JAK3: variants seen among roughly 807,000 people sequenced by gnomAD.
JAK3 encodes the protein Janus kinase 3, also known as tyrosine-protein kinase JAK3.
Under a neutral mutation model 120.8 loss-of-function variants are expected in JAK3, and 88 were observed. The observed-to-expected ratio is 0.73, with a 90% CI of 0.61 to 0.87. JAK3 has a LOEUF of 0.87. Ranked by LOEUF, JAK3 falls within the 40% of genes least tolerant of loss-of-function variation. The pLI is 0.00. For synonymous variants in JAK3, 592 were observed against 628.6 expected, an observed-to-expected ratio of 0.94 and a Z score of 0.87; for missense variants, 1,254 against 1,501.4, an observed-to-expected ratio of 0.84 and a Z score of 2.72.
chr19:17,843,886 A>G lies in JAK3; in HGVS notation c.199T>C (p.Tyr67His). ...GTGGCCAGAGCAAAGAGGGAGTGGT[A>G]CACAGGCAGGATGCCTACAGGGGAT... Reference protein sequence around the residue: ...AAKASGILPVYHSLFALATED... With the variant: ...AAKASGILPVHHSLFALATED... The change falls in exon 3 of 24, where the codon TAC becomes CAC. Residue 67 changes from tyrosine to histidine, a missense_variant. Tyr to His is a moderately conservative substitution (Grantham distance 83). Coordinates refer to ENST00000458235, the MANE Select transcript of JAK3 (RefSeq NM_000215.4). This position sits in a 1 kb window ranked among gnomAD's most constrained non-coding sequence, Gnocchi z 5.4. 1 of 1,613,692 alleles carries G rather than the reference A, an allele frequency of 6.2e-7. No individual in the cohort carries two copies. The highest frequency in any genetic ancestry group is 1.1e-5 in the South Asian group (1 of 91,080).
At chr19:17,830,680 A>G (rs1026240266) in intron 21 of JAK3, 60 bp from the exon 22 acceptor site, 2 of 1,391,048 alleles carry the variant, frequency 1.4e-6, no homozygotes, top group Admixed American at 3.4e-5. Flanking sequence ...AGAGGGGGGC[A>G]GCCTTGGAAT....
intron 17 of JAK3, 97 bp from the exon 18 acceptor site, chr19:17,833,026 C>T: frequency 6.5e-7 from 1 of 1,532,650 alleles, no homozygotes; most frequent in South Asian, 1.2e-5. Context: ...CATATTGACC[C>T]TCTCTGTGCA....
Position 17,842,290 on chromosome 19 carries a change from C to T in JAK3, c.861+26G>A. On this transcript the variant is annotated intron_variant, in intron 6 of 23. Transcript: ENST00000458235. The surrounding 1 kb of genome is among the most constrained non-coding windows in gnomAD (Gnocchi z 6.4). ...CCGAGCCCCGCCCCCACGTTGGCCC[C>T]GCCCAGCGGGGGAGTCCGCCCTCAC... is the stretch of plus-strand genomic sequence containing the variant. 2 of 1,529,718 alleles carry T rather than the reference C, an allele frequency of 1.3e-6. No individual in the cohort carries two copies. The highest frequency in any genetic ancestry group is 1.7e-6 in the Non-Finnish European group (2 of 1,145,502). The allele number at this position is 1,529,718 out of a possible 1,614,324, so 94.8% of individuals were successfully genotyped here. A position where few individuals can be genotyped will look rare whatever the true frequency, so the allele number is the denominator to read the frequency against.
In JAK3 at chr19:17,835,123, C is replaced by T. The variant is rs201063526; in HGVS notation, c.2007G>A (p.Leu669=). The T allele has an allele frequency of 3.1e-6, 5 of 1,614,224 alleles. No homozygotes were observed. In the South Asian group the frequency reaches 5.5e-5, roughly 18 times the overall value. The stretch of plus-strand genomic sequence containing the variant: ...CAGCGGGGCTGACCCCAGGGTCACT[C>T]AGCTTGATGAAGGGCGGGCTCCCAT... ...GADGSPPFIK[L]SDPGVSPAVL... is the part of the protein sequence containing the mutation. The change falls in exon 15 of 24, where the codon CTG becomes CTA. Residue 669 remains leucine, a synonymous_variant. Coordinates refer to ENST00000458235, the MANE Select transcript of JAK3 (RefSeq NM_000215.4).
rs10685173 is a variant in JAK3, at chr19:17,839,739, T to TC, written c.1255-77_1255-76insG. ...TCTCAGTCCTTCTTCCTTTTTTTTC[T>TC]TTTTTTTTTTTTTTTTTTGGAGACG... On this transcript the variant is annotated intron_variant, in intron 9 of 23. Coordinates refer to ENST00000458235, the MANE Select transcript of JAK3 (RefSeq NM_000215.4). 3.5e-4 allele frequency: 67 copies of TC among 193,408 alleles called. 2 individuals are homozygous for TC. Among genetic ancestry groups the TC allele is most frequent in the African/African-American group, 2.2e-3 (56 of 25,892 alleles). The allele number at this position is 193,408 out of a possible 1,614,324, so 12.0% of individuals were successfully genotyped here.
chr19:17,826,058 T>G lies in JAK3; in HGVS notation c.*685A>C, dbSNP rs1368365334. Reference sequence around the variant, plus strand: ...GACCAGCCTGGGCAACGTAGCAAGATCCTGTCTCTTAAAAATAATAATAAT... The same window carrying G: ...GACCAGCCTGGGCAACGTAGCAAGAGCCTGTCTCTTAAAAATAATAATAAT... On this transcript the variant is annotated 3_prime_UTR_variant, in exon 24 of 24. Coordinates refer to ENST00000458235, the MANE Select transcript of JAK3 (RefSeq NM_000215.4). 1 of 148,540 alleles carries G rather than the reference T, an allele frequency of 6.7e-6. No individual in the cohort carries two copies. Among genetic ancestry groups the G allele is most frequent in the South Asian group, 2.1e-4 (1 of 4,706 alleles). 9.2% of individuals were successfully genotyped at this position (148,540 alleles called of 1,614,324 possible). A position where few individuals can be genotyped will look rare whatever the true frequency, so the allele number is the denominator to read the frequency against.
In JAK3 at chr19:17,831,095, G is replaced by A; in HGVS notation, c.2978+133C>T. ...GGGGCGGGGCTCTGGGGAGTGGGAG[G>A]GGCCAAAGCTGCAGCGGAGGAAGGG... On this transcript the variant is annotated intron_variant, in intron 21 of 23. Transcript: ENST00000458235. This position sits in a 1 kb window ranked among gnomAD's most constrained non-coding sequence, Gnocchi z 5.1. 1.1e-6 allele frequency: 1 copy of A among 889,516 alleles called. No individual in the cohort carries two copies. The highest frequency in any genetic ancestry group is 1.7e-6 in the Non-Finnish European group (1 of 586,428). The allele number at this position is 889,516 out of a possible 1,614,324, so 55.1% of individuals were successfully genotyped here. A position where few individuals can be genotyped will look rare whatever the true frequency, so the allele number is the denominator to read the frequency against.
rs1215516863 is a variant in JAK3 at position 17,831,758 on chromosome 19, G to A, written c.2721C>T (p.Ser907=). 1.2e-5 allele frequency: 20 copies of A among 1,612,540 alleles called. No individual in the cohort carries two copies. The Admixed American group carries it at 1.8e-4, about 15-fold the overall frequency. Residue 907 remains serine, a synonymous_variant, in exon 20 of 24, where the codon AGC becomes AGT. Transcript: ENST00000458235. This position sits in a 1 kb window ranked among gnomAD's most constrained non-coding sequence, Gnocchi z 5.1. The part of the protein sequence containing the change: ...SLRLVMEYLP[S]GCLRDFLQRH... ...GCTGCAGGAAGTCGCGCAAGCAGCC[G>A]CTGGGCAGGTACTCCATGACCAGCC...
rs2147688845 is a variant in JAK3, at chr19:17,838,343, A to G, written c.1489T>C (p.Ser497Pro). 6.2e-7 allele frequency: 1 copy of G among 1,614,068 alleles called. No individual in the cohort carries two copies. Among genetic ancestry groups the G allele is most frequent in the Non-Finnish European group, 8.5e-7 (1 of 1,180,008 alleles). ...TGGGATTGGGGCTGAACCAAGGATG[A>G]TGTGGGTGGGCTGTGACCTCTCTGG... ...VVQRGHSPPT[S>P]SLVQPQSQYQ... Residue 497 changes from serine to proline, a missense_variant, in exon 11 of 24, where the codon TCA (serine) becomes CCA (proline). Around this residue, in one of 3 missense-constraint regions of JAK3, gnomAD observed 486 missense variants for 503.0 expected, o/e 0.97. Transcript: ENST00000458235.
At chr19:17,828,427 G>A (rs3213413) in intron 23 of JAK3, among the ~76,000 whole-genome samples, 1 of 151,350 alleles carries the variant, frequency 6.6e-6, no homozygotes, top group Non-Finnish European at 1.5e-5. Context: ...GCTATTGCTT[G>A]TATTGTTTGT....
intron 23 of JAK3, 24 bp downstream of exon 23, chr19:17,830,084 T>C: frequency 6.5e-7 from 1 of 1,532,658 alleles, no homozygotes; most frequent in Non-Finnish European, 8.9e-7. Flanking sequence ...ACTGGGAAAC[T>C]GAGGCTAGCC....
chr19:17,839,141 G>C (rs559439340), intron 10 of JAK3: 22 of 436,176 alleles, frequency 5.0e-5, no homozygotes, highest in Non-Finnish European at 8.0e-5. Flanking sequence ...ACCAGGGATC[G>C]GTTCTACCAG....
At chr19:17,845,101 C>A (rs568762378) in intron 1 of JAK3, among the ~76,000 whole-genome samples, 2 of 152,304 alleles carry the variant, frequency 1.3e-5, no homozygotes, top group African/African-American at 4.8e-5. Context: ...CGCAGTGGCT[C>A]ATGTCTGTAA....
chr19:17,830,238 C>T lies in JAK3; in HGVS notation c.3097-20G>A. The T allele has an allele frequency of 6.6e-7, 1 of 1,524,714 alleles. No homozygotes were observed. Among genetic ancestry groups the T allele is most frequent in the South Asian group, 1.2e-5 (1 of 83,770 alleles). 94.4% of individuals were successfully genotyped at this position (1,524,714 alleles called of 1,614,324 possible). A position where few individuals can be genotyped will look rare whatever the true frequency, so the allele number is the denominator to read the frequency against. On this transcript the variant is annotated intron_variant, in intron 22 of 23. Coordinates refer to ENST00000458235, the MANE Select transcript of JAK3 (RefSeq NM_000215.4). ...GAACTCCTGGAGCCAAGGAGGAGCG[C>T]ATGTGGTGGGGGAGGAGCCTCCGTG...
rs1397389786 is a variant in JAK3, at chr19:17,838,352, G to A, written c.1480C>T (p.Pro494Ser). 3.1e-6 allele frequency: 5 copies of A among 1,613,902 alleles called. No individual in the cohort carries two copies. In the South Asian group the frequency reaches 3.3e-5, roughly 11 times the overall value. Residue 494 changes from proline (P) to serine (S), a missense_variant, in exon 11 of 24, where the codon CCA becomes TCA. This residue lies in a region of JAK3 where 486 missense variants were observed against 503.0 expected (regional missense o/e 0.97). Transcript: ENST00000458235. Reference sequence around the variant, plus strand: ...GGCTGAACCAAGGATGATGTGGGTGGGCTGTGACCTCTCTGGACCACGATC... The same window carrying A: ...GGCTGAACCAAGGATGATGTGGGTGAGCTGTGACCTCTCTGGACCACGATC... ...NLIVVQRGHS[P>S]PTSSLVQPQS...
In JAK3 at chr19:17,831,861, C is replaced by A. The variant is rs372827352; in HGVS notation, c.2681-63G>T. 3.6e-5 allele frequency: 57 copies of A among 1,600,280 alleles called. No individual in the cohort carries two copies. The highest frequency in any genetic ancestry group is 3.4e-4 in the East Asian group (15 of 44,632). ...CTGCTCGTCCCCCCATTCTTCCCCCCTTTCACAGTGGGACCTTGTGTCCCT... is the reference window on the plus strand; with the variant it reads ...CTGCTCGTCCCCCCATTCTTCCCCCATTTCACAGTGGGACCTTGTGTCCCT... On this transcript the variant is annotated intron_variant, in intron 19 of 23. Transcript: ENST00000458235. This position sits in a 1 kb window ranked among gnomAD's most constrained non-coding sequence, Gnocchi z 5.1.
chr19:17,836,981 C>A (rs2094225480), intron 13 of JAK3, 148 bp downstream of exon 13: 2 of 703,960 alleles, frequency 2.8e-6, no homozygotes, highest in East Asian at 5.4e-5. Flanking sequence ...GATGGAGAGA[C>A]ATAAATAAAG....
Position 17,832,764 on chromosome 19 carries a change from A to G in JAK3, c.2490+26T>C, listed in dbSNP as rs1183525010. ...CCTGGATGCTGCCCTGCCCTCTCCAACCCACCCTGGCCCTGCCCACCTTAC... is the reference window on the plus strand; with the variant it reads ...CCTGGATGCTGCCCTGCCCTCTCCAGCCCACCCTGGCCCTGCCCACCTTAC... On this transcript the variant is annotated intron_variant, in intron 18 of 23. Transcript: ENST00000458235. This position sits in a 1 kb window ranked among gnomAD's most constrained non-coding sequence, Gnocchi z 4.7. 1 of 1,614,074 alleles carries G rather than the reference A, an allele frequency of 6.2e-7. No homozygotes were observed. Among genetic ancestry groups the G allele is most frequent in the South Asian group, 1.1e-5 (1 of 91,080 alleles).
At chr19:17,834,356 A>C (rs1274695395) in intron 17 of JAK3, among the ~76,000 whole-genome samples, 1 of 152,158 alleles carries the variant, frequency 6.6e-6, no homozygotes, top group Non-Finnish European at 1.5e-5. Flanking sequence ...CTCTGTCTCA[A>C]AAATAAATAA....
Sources: gnomAD v4.1 joint callset for allele counts (sites outside exome capture counted in the v4.1 genomes callset) on GRCh38, gnomAD v4.1.1 for gene constraint, gnomAD v4.1.1 regional missense constraint, Gnocchi (gnomAD v3.1) non-coding constraint, MANE v1.5 for transcripts, NCBI Gene and HGNC (gene_info 2026-07-23, HGNC 2026-07-21) for gene names.